ZNF653: variants seen among roughly 807,000 people sequenced by gnomAD.
The protein encoded by ZNF653 is 67 kDa zinc finger protein.
ZNF653 carries 37 observed loss-of-function variants against 59.9 expected under a neutral mutation model. The ratio of observed to expected loss-of-function variants is 0.62; its 90% CI spans 0.48 to 0.81. The LOEUF (loss-of-function observed/expected upper bound fraction) is 0.81. Ranked by LOEUF, ZNF653 falls within the 40% of genes least tolerant of loss-of-function variation. The pLI is 0.00. For synonymous variants in ZNF653, 435 were observed against 371.8 expected (o/e 1.17, Z -1.96); for missense variants, 808 against 881.1 (o/e 0.92, Z 1.05).
At position 11,484,143 on chromosome 19, in the gene ZNF653, T is replaced by C. The variant is rs1568392200; in HGVS notation, c.1571-2A>G. 1 of 1,551,296 alleles carries C rather than the reference T, an allele frequency of 6.4e-7. No homozygotes were observed. The highest frequency in any genetic ancestry group is 8.7e-7 in the Non-Finnish European group (1 of 1,147,052). ...TCTCGCAGGTGAATTCACGGACACC[T>C]GGGGGCGGTGGGGACCGAGGCTGAG... is the stretch of plus-strand genomic sequence containing the variant. On this transcript the variant is annotated splice_acceptor_variant, in intron 7 of 8. Transcript: ENST00000293771. LOFTEE classifies it high-confidence loss of function.
intron 6 of ZNF653, among the ~76,000 whole-genome samples, chr19:11,486,331 C>A (rs1406592117): frequency 1.3e-5 from 2 of 152,244 alleles, no homozygotes; most frequent in East Asian, 3.9e-4. Flanking sequence ...TGTGAAGGGC[C>A]CAGCTGTTAG....
At chr19:11,497,382 C>T (rs907160936) in intron 2 of ZNF653, among the ~76,000 whole-genome samples, 9 of 152,198 alleles carry the variant, frequency 5.9e-5, no homozygotes, top group South Asian at 2.1e-4. Flanking sequence ...GGAGCCGGAC[C>T]GCCTGGGTTT....
At chr19:11,494,829 G>T (rs533144186) in intron 3 of ZNF653, among the ~76,000 whole-genome samples, 18 of 152,358 alleles carry the variant, frequency 1.2e-4, no homozygotes, top group Non-Finnish European at 2.1e-4. Flanking sequence ...GGGATTCCTT[G>T]ACTGCCAAGT....
intron 1 of ZNF653, among the ~76,000 whole-genome samples, chr19:11,499,597 T>A (rs1423281224): frequency 2.1e-5 from 3 of 144,262 alleles, no homozygotes; most frequent in Non-Finnish European, 4.5e-5. Flanking sequence ...AGATCCCACC[T>A]CTATTTATAC....
At position 11,496,240 on chromosome 19, in the gene ZNF653, G is replaced by A. The variant is rs1054055023; in HGVS notation, c.344-75C>T. The A allele has an allele frequency of 9.0e-5, 128 of 1,423,722 alleles. 1 individual carries two copies. Among genetic ancestry groups the A allele is most frequent in the Non-Finnish European group, 1.1e-4 (111 of 1,037,364 alleles). 88.2% of individuals were successfully genotyped at this position (1,423,722 alleles called of 1,614,324 possible). On this transcript the variant is annotated intron_variant, in intron 2 of 8. Coordinates refer to ENST00000293771, the MANE Select transcript of ZNF653 (RefSeq NM_138783.4). ...TGGTGACATGGCTGCCTGAACCACC[G>A]GGGCTTTATGGGTCCCATGGGTTTG...
At position 11,505,645 on chromosome 19, in the gene ZNF653, G is replaced by T. The variant is rs1568399215; in HGVS notation, c.142C>A (p.Arg48=). 1 of 1,497,806 alleles carries T rather than the reference G, an allele frequency of 6.7e-7. No individual in the cohort carries two copies. 92.8% of individuals were successfully genotyped at this position (1,497,806 alleles called of 1,614,324 possible). A position where few individuals can be genotyped will look rare whatever the true frequency, so the allele number is the denominator to read the frequency against. Residue 48 remains arginine (R), a synonymous_variant, in exon 1 of 9, where the codon CGG becomes AGG. Transcript: ENST00000293771. ...TCGTACTTCTTCCGGGACTCGAGCC[G>T]TCGCCGGGCCCGGTCCGACTCCGTG... ...RLTESDRARR[R]LESRKKYDVR...
At chr19:11,502,096 TTTTA>T (rs1428521480) in intron 1 of ZNF653, among the ~76,000 whole-genome samples, 3 of 142,026 alleles carry the variant, frequency 2.1e-5, no homozygotes, top group African/African-American at 8.0e-5. Flanking sequence ...CCTGGCCTAT[TTTTA>T]TTTTACTTTT....
Position 11,486,750 on chromosome 19 carries a change from C to G in ZNF653, c.1455+19G>C. On this transcript the variant is annotated intron_variant, in intron 6 of 8. Transcript: ENST00000293771. ...GGCCTTGTGGGCCTGGCCCAGGCTGCTCCGGGTGGCGGCCTCACCTGGAAG... is the reference window on the plus strand; with the variant it reads ...GGCCTTGTGGGCCTGGCCCAGGCTGGTCCGGGTGGCGGCCTCACCTGGAAG... The G allele has an allele frequency of 6.3e-7, 1 of 1,583,378 alleles. No homozygotes were observed. Among genetic ancestry groups the G allele is most frequent in the East Asian group, 2.3e-5 (1 of 42,902 alleles).
At chr19:11,483,928 C>G (rs907622568) in intron 8 of ZNF653, 69 bp from the exon 9 acceptor site, 5 of 1,517,684 alleles carry the variant, frequency 3.3e-6, no homozygotes, top group Non-Finnish European at 3.5e-6. Flanking sequence ...CCTACAAGGC[C>G]GAGCGCAGGT....
At position 11,487,696 on chromosome 19, in the gene ZNF653, T is replaced by G. The variant is rs772961480; in HGVS notation, c.767A>C (p.Glu256Ala). Residue 256 changes from glutamate to alanine, a missense_variant, in exon 4 of 9, where the codon GAG becomes GCG. Glu to Ala is a moderately radical substitution (Grantham distance 107, BLOSUM62 -1). Transcript: ENST00000293771. This position sits in a 1 kb window ranked among gnomAD's most constrained non-coding sequence, Gnocchi z 5.1. ...FDVHHVESLA[E>A]QGTPLCSNPA... Reference sequence around the variant, plus strand: ...GTTGGAGCACAGCGGGGTACCCTGCTCGGCCAGGCTTTCCACGTGGTGGAC... The same window carrying G: ...GTTGGAGCACAGCGGGGTACCCTGCGCGGCCAGGCTTTCCACGTGGTGGAC... The G allele has an allele frequency of 9.9e-6, 16 of 1,613,706 alleles. No homozygotes were observed. In the South Asian group the frequency reaches 1.8e-4, roughly 18 times the overall value.
At chr19:11,505,443 T>C in intron 1 of ZNF653, 45 bp downstream of exon 1, 1 of 1,399,268 alleles carries the variant, frequency 7.1e-7, no homozygotes, top group Admixed American at 3.6e-5. Context: ...CGGCGGGGTC[T>C]GGGGGCGTCT....
Position 11,486,857 on chromosome 19 carries a change from C to A in ZNF653, c.1367G>T (p.Arg456Leu), listed in dbSNP as rs375623975. 1 of 1,611,240 alleles carries A rather than the reference C, an allele frequency of 6.2e-7. No homozygotes were observed. Among genetic ancestry groups the A allele is most frequent in the East Asian group, 2.2e-5 (1 of 44,562 alleles). ...GAGCAGGCCGTCAGCATCCATCACC[C>A]GCGACCGCTTGCTCCGCCGCCTCCT... is the stretch of plus-strand genomic sequence containing the variant. The part of the protein sequence containing the change: ...PEKRRRSKRS[R>L]VMDADGLLEM... The change falls in exon 6 of 9, where the codon CGG becomes CTG. Residue 456 changes from arginine to leucine, a missense_variant. Coordinates refer to ENST00000293771, the MANE Select transcript of ZNF653 (RefSeq NM_138783.4).
Position 11,505,759 on chromosome 19 carries a change from C to A in ZNF653, c.28G>T (p.Ala10Ser). ...GCGCCCGCCTCAGCCTCCGCCTCCG[C>A]CTCGGGCTCTAGCGCCCGCTCCGCC... Reference protein sequence around the residue: MAERALEPEAEAEAEAGAGG... With the variant: MAERALEPESEAEAEAGAGG... The change falls in exon 1 of 9, where the codon GCG (alanine) becomes TCG (serine). Residue 10 changes from alanine (A) to serine (S), a missense_variant. Coordinates refer to ENST00000293771, the MANE Select transcript of ZNF653 (RefSeq NM_138783.4). 7.0e-7 allele frequency: 1 copy of A among 1,432,218 alleles called. No homozygotes were observed. Among genetic ancestry groups the A allele is most frequent in the Non-Finnish European group, 9.1e-7 (1 of 1,103,566 alleles). 88.7% of individuals were successfully genotyped at this position (1,432,218 alleles called of 1,614,324 possible).
rs376830537 is a variant in ZNF653 at position 11,499,004 on chromosome 19, C to T, written c.300-665G>A. Reference sequence around the variant, plus strand: ...CCTCCCAAAGTGTTGGGATTACAGGCGTGAGCCACCGTGCCCAGCCTAGAA... The same window carrying T: ...CCTCCCAAAGTGTTGGGATTACAGGTGTGAGCCACCGTGCCCAGCCTAGAA... On this transcript the variant is annotated intron_variant, in intron 1 of 8. Coordinates refer to ENST00000293771, the MANE Select transcript of ZNF653 (RefSeq NM_138783.4). 7.2e-5 allele frequency among the ~76,000 whole-genome samples: 11 copies of T among 152,300 alleles called. No homozygotes were observed. In the East Asian group the frequency reaches 1.7e-3, roughly 24 times the overall value.
rs375032442 is a variant in ZNF653, at chr19:11,494,738, G to A, written c.559+1212C>T. 3.9e-4 allele frequency among the ~76,000 whole-genome samples: 60 copies of A among 152,288 alleles called. 1 individual carries two copies. In the South Asian group the frequency reaches 9.7e-3, roughly 25 times the overall value. On this transcript the variant is annotated intron_variant, in intron 3 of 8. Transcript: ENST00000293771. The stretch of plus-strand genomic sequence containing the variant: ...AAATAATAAAAAGTTGAGTTGGGGC[G>A]TAAGTAAGCTGCTCTGGGCACCACC...
chr19:11,492,359 T>A (rs767713988), intron 3 of ZNF653, among the ~76,000 whole-genome samples: 16 of 151,930 alleles, frequency 1.1e-4, no homozygotes, highest in Admixed American at 4.6e-4. Context: ...TTAATTAATT[T>A]ATTTTTTTGA....
intron 3 of ZNF653, among the ~76,000 whole-genome samples, chr19:11,490,688 T>C (rs1291610404): frequency 1.3e-5 from 2 of 152,030 alleles, no homozygotes; most frequent in African/African-American, 2.4e-5. Flanking sequence ...CCACCGCGAC[T>C]GGCCAAGTAT....
Position 11,487,208 on chromosome 19 carries a change from G to A in ZNF653, c.1172-50C>T, listed in dbSNP as rs747817141. On this transcript the variant is annotated intron_variant, in intron 4 of 8. Coordinates refer to ENST00000293771, the MANE Select transcript of ZNF653 (RefSeq NM_138783.4). This position sits in a 1 kb window ranked among gnomAD's most constrained non-coding sequence, Gnocchi z 5.1. ...TCCGCAGGGGACGAAGGCTGCCGAG[G>A]TGCCCACTTCGAGGGCCATTCCTCG... is the stretch of plus-strand genomic sequence containing the variant. The A allele has an allele frequency of 2.2e-5, 36 of 1,603,294 alleles. No homozygotes were observed. In the Middle Eastern group the frequency reaches 5.0e-4, roughly 22 times the overall value.
intron 3 of ZNF653, 134 bp from the exon 4 acceptor site, chr19:11,488,037 G>C (rs1401636413): frequency 2.3e-6 from 2 of 886,992 alleles, no homozygotes; most frequent in Non-Finnish European, 2.9e-6. Context: ...ACCCAGGCTG[G>C]AGTGCAGTGG....
Sources: allele counts gnomAD v4.1 joint callset (sites outside exome capture counted in the v4.1 genomes callset), GRCh38; gene constraint gnomAD v4.1.1; non-coding constraint Gnocchi (gnomAD v3.1); transcripts MANE v1.5; gene names NCBI Gene and HGNC (gene_info 2026-07-23, HGNC 2026-07-21).